Variants in ITPK1 observed in about 807,000 individuals in gnomAD.
The protein encoded by ITPK1 is inositol-tetrakisphosphate 1-kinase.
In ITPK1, 21 loss-of-function variants were observed where a neutral mutation model predicts 45.3. The ratio of observed to expected loss-of-function variants is 0.46; its 90% CI spans 0.33 to 0.67. The LOEUF (loss-of-function observed/expected upper bound fraction) is 0.67. ITPK1 is among the 30% of genes least tolerant of loss of function. The pLI is 0.02. For missense variants in ITPK1, 474 were observed against 573.5 expected (o/e 0.83, Z 1.77); for synonymous variants, 258 against 253.6 (o/e 1.02, Z -0.16).
chr14:93,108,635 C>T (rs1176104788), intron 2 of ITPK1, among the ~76,000 whole-genome samples: 3 of 152,258 alleles, frequency 2.0e-5, no homozygotes, highest in African/African-American at 7.2e-5. Flanking sequence ...CGGCCCTGAG[C>T]GCAGGAGGGT....
rs373381891 is a variant in ITPK1 at position 93,107,977 on chromosome 14, T to C, written c.95+7092A>G. Among the ~76,000 whole-genome samples, 14 of 152,336 alleles carry C rather than the reference T, an allele frequency of 9.2e-5. No individual in the cohort carries two copies. The East Asian group carries it at 2.3e-3, about 25-fold the overall frequency. ...TGGGCCGCAGCCGGGAGGAAAGGCC[T>C]GTTCACAAGGAGGCTTTGGCCAGTG... On this transcript the variant is annotated intron_variant, in intron 2 of 10. Transcript: ENST00000267615.
chr14:93,079,748 G>C (rs905210364), intron 2 of ITPK1, among the ~76,000 whole-genome samples: 1 of 152,196 alleles, frequency 6.6e-6, no homozygotes, highest in African/African-American at 2.4e-5. Flanking sequence ...AGTTCCTAAA[G>C]TCCTGCCATA....
intron 9 of ITPK1, among the ~76,000 whole-genome samples, chr14:92,949,313 T>C (rs765766960): frequency 9.9e-5 from 15 of 152,222 alleles, no homozygotes; most frequent in Non-Finnish European, 1.5e-4. Flanking sequence ...TTTCCCAGGC[T>C]GGTCTCAAAC....
intron 8 of ITPK1, among the ~76,000 whole-genome samples, chr14:92,952,631 CAG>C (rs1305659436): frequency 1.3e-5 from 2 of 152,222 alleles, no homozygotes; most frequent in South Asian, 2.1e-4. Context: ...GAAGCTGGCA[CAG>C]AGAGTCTGAA....
At chr14:93,046,573 G>C (rs1044145533) in intron 3 of ITPK1, among the ~76,000 whole-genome samples, 1 of 148,476 alleles carries the variant, frequency 6.7e-6, no homozygotes, top group African/African-American at 2.5e-5. Flanking sequence ...AGGTAAGCAG[G>C]GATGGCCCAG....
At chr14:92,984,348 G>C (rs1309199924) in intron 5 of ITPK1, among the ~76,000 whole-genome samples, 2 of 152,214 alleles carry the variant, frequency 1.3e-5, no homozygotes, top group Non-Finnish European at 2.9e-5. Context: ...GCCTCAAAGA[G>C]AGGAGGGGAC....
Position 92,940,408 on chromosome 14 carries a change from C to A in ITPK1, c.*1153G>T, listed in dbSNP as rs538718716. On this transcript the variant is annotated 3_prime_UTR_variant, in exon 11 of 11. Coordinates refer to ENST00000267615, the MANE Select transcript of ITPK1 (RefSeq NM_014216.6). ...AGACGGCAGAGCCAGTGCTTTGCTG[C>A]CAAGGTGATGGGGTGAGTCTGAGGT... is the stretch of plus-strand genomic sequence containing the variant. 19 of 1,028,144 alleles carry A rather than the reference C, an allele frequency of 1.8e-5. No homozygotes were observed. The highest frequency in any genetic ancestry group is 3.4e-5 in the South Asian group (1 of 29,470). 63.7% of individuals were successfully genotyped at this position (1,028,144 alleles called of 1,614,324 possible). A position where few individuals can be genotyped will look rare whatever the true frequency, so the allele number is the denominator to read the frequency against.
intron 5 of ITPK1, among the ~76,000 whole-genome samples, chr14:92,964,612 G>A (rs1885250966): frequency 6.6e-6 from 1 of 152,218 alleles, no homozygotes; most frequent in Admixed American, 6.5e-5. Flanking sequence ...TAAACTGGAG[G>A]GTTCTGCCAT....
intron 3 of ITPK1, among the ~76,000 whole-genome samples, chr14:93,019,271 C>T (rs1277877857): frequency 6.6e-6 from 1 of 152,196 alleles, no homozygotes; most frequent in African/African-American, 2.4e-5. Context: ...GGTTTCCCTG[C>T]CTGGGAGAAA....
At chr14:93,072,190 T>C (rs1847181691) in intron 3 of ITPK1, 1 of 149,252 alleles carries the variant, frequency 6.7e-6, no homozygotes, top group Admixed American at 6.7e-5. Context: ...TAACCTCAGC[T>C]ACTTGGGAGG....
chr14:93,048,249 T>G (rs1281115400), intron 3 of ITPK1, among the ~76,000 whole-genome samples: 1 of 152,270 alleles, frequency 6.6e-6, no homozygotes, highest in African/African-American at 2.4e-5. Flanking sequence ...CATCCTTCTC[T>G]TTGGCAAGCG....
At chr14:93,102,428 C>T (rs1892357421) in intron 2 of ITPK1, among the ~76,000 whole-genome samples, 2 of 152,266 alleles carry the variant, frequency 1.3e-5, no homozygotes, top group Admixed American at 1.3e-4. Flanking sequence ...GCCATAATTC[C>T]TTTTCTTTTC....
chr14:92,985,418 G>T (rs1886444379), intron 5 of ITPK1, among the ~76,000 whole-genome samples: 1 of 151,958 alleles, frequency 6.6e-6, no homozygotes. Context: ...TGGGAACTCT[G>T]TGTACTATCT....
chr14:92,962,883 C>T, intron 5 of ITPK1, 34 bp from the exon 6 acceptor site: 1 of 1,491,212 alleles, frequency 6.7e-7, no homozygotes, highest in Non-Finnish European at 9.3e-7. Flanking sequence ...CAGCACAGCT[C>T]CTGGGCAGCC....
In ITPK1 at chr14:93,063,874, T is replaced by C. The variant is rs1050261079; in HGVS notation, c.120+12721A>G. ...TCACTGCTGCTGCCTGGGCTGCTCA[T>C]AGAAGCCCAGCCCAGACGCCAAACG... On this transcript the variant is annotated intron_variant, in intron 3 of 10. Coordinates refer to ENST00000267615, the MANE Select transcript of ITPK1 (RefSeq NM_014216.6). The surrounding 1 kb of genome is among the most constrained non-coding windows in gnomAD (Gnocchi z 4.3). Among the ~76,000 whole-genome samples the C allele has an allele frequency of 2.0e-5, 3 of 152,098 alleles. No homozygotes were observed. The highest frequency in any genetic ancestry group is 2.0e-4 in the Admixed American group (3 of 15,272).
At chr14:93,079,509 G>A (rs989765913) in intron 2 of ITPK1, among the ~76,000 whole-genome samples, 5 of 152,188 alleles carry the variant, frequency 3.3e-5, no homozygotes, top group Admixed American at 1.3e-4. Flanking sequence ...GTGCACCACC[G>A]TGGGCAAGGG....
chr14:92,938,845 C>G lies in ITPK1; in HGVS notation c.*2716G>C. 2.1e-6 allele frequency: 1 copy of G among 476,604 alleles called. No homozygotes were observed. Among genetic ancestry groups the G allele is most frequent in the East Asian group, 3.9e-5 (1 of 25,704 alleles). The allele number at this position is 476,604 out of a possible 1,614,324, so 29.5% of individuals were successfully genotyped here. A position where few individuals can be genotyped will look rare whatever the true frequency, so the allele number is the denominator to read the frequency against. On this transcript the variant is annotated 3_prime_UTR_variant, in exon 11 of 11. Coordinates refer to ENST00000267615, the MANE Select transcript of ITPK1 (RefSeq NM_014216.6). ...CATCACCATATAATCAAAGCACTGT[C>G]AGGCAGAACTTGACCCACGGCCTCA...
intron 5 of ITPK1, among the ~76,000 whole-genome samples, chr14:92,990,578 C>G (rs545850626): frequency 2.6e-5 from 4 of 152,346 alleles, no homozygotes; most frequent in African/African-American, 9.6e-5. Context: ...AATGACCCTG[C>G]TTCCCCTCCA....
intron 5 of ITPK1, 89 bp downstream of exon 5, chr14:92,993,791 C>A (rs1451556036): frequency 1.1e-5 from 9 of 794,966 alleles, no homozygotes; most frequent in Non-Finnish European, 2.0e-5. Context: ...AAAGACAAGA[C>A]CCCTCTGTCT....
Sources: allele counts gnomAD v4.1 joint callset (sites outside exome capture counted in the v4.1 genomes callset), GRCh38; gene constraint gnomAD v4.1.1; non-coding constraint Gnocchi (gnomAD v3.1); transcripts MANE v1.5; gene names NCBI Gene and HGNC (gene_info 2026-07-23, HGNC 2026-07-21).